The following MED13L variants were observed in gnomAD, a reference collection of about 807,000 sequenced individuals.
The protein encoded by MED13L is mediator of RNA polymerase II transcription subunit 13-like.
MED13L carries 7 observed loss-of-function variants against 220.9 expected under a neutral mutation model. The ratio of observed to expected loss-of-function variants is 0.03; its 90% confidence interval spans 0.02 to 0.06. The LOEUF (loss-of-function observed/expected upper bound fraction) is 0.06, where lower values mean the gene tolerates loss of function less well. Ranked by LOEUF, MED13L falls within the 10% of genes least tolerant of loss-of-function variation. The pLI, the probability that MED13L is intolerant of heterozygous loss-of-function variation, is 1.00. For missense variants in MED13L, 1,965 were observed against 2,760.5 expected, an observed-to-expected ratio of 0.71 and a Z score of 6.46; for synonymous variants, 1,011 against 1,015.2, an observed-to-expected ratio of 1.00 and a Z score of 0.08.
chr12:116,060,541 G>A (rs1486902350), intron 4 of MED13L, among the ~76,000 whole-genome samples: 1 of 142,434 alleles, frequency 7.0e-6, no homozygotes, highest in East Asian at 2.1e-4. Flanking sequence ...TCATGCCACT[G>A]AACTCTCCAG....
At chr12:115,981,682 A>T (rs1877339513) in intron 22 of MED13L, among the ~76,000 whole-genome samples, 1 of 152,250 alleles carries the variant, frequency 6.6e-6, no homozygotes, top group Non-Finnish European at 1.5e-5. Context: ...GGCTTTATTT[A>T]TAACAGTAAA....
intron 2 of MED13L, among the ~76,000 whole-genome samples, chr12:116,202,202 A>G (rs1423897442): frequency 6.6e-6 from 1 of 152,240 alleles, no homozygotes; most frequent in African/African-American, 2.4e-5. Flanking sequence ...ATTCACTGCC[A>G]AACTCAGATC....
intron 16 of MED13L, 22 bp downstream of exon 16, chr12:115,996,454 A>C: frequency 2.5e-6 from 4 of 1,600,480 alleles, no homozygotes; most frequent in Non-Finnish European, 3.4e-6. Context: ...TGGCAAGTAA[A>C]TGACACAATC....
At chr12:115,972,270 T>C (rs1171164206) in intron 25 of MED13L, 34 bp from the exon 26 acceptor site, 7 of 1,607,334 alleles carry the variant, frequency 4.4e-6, no homozygotes, top group Non-Finnish European at 5.9e-6. Context: ...ACACAGTCTT[T>C]AGAAATTCAT....
At chr12:116,001,128 G>T (rs1219151566) in intron 14 of MED13L, among the ~76,000 whole-genome samples, 1 of 152,070 alleles carries the variant, frequency 6.6e-6, no homozygotes, top group African/African-American at 2.4e-5. Flanking sequence ...ATGTGAAATT[G>T]CACATGTGGC....
chr12:116,033,082 TG>T (rs1880956272), intron 4 of MED13L, among the ~76,000 whole-genome samples: 1 of 147,632 alleles, frequency 6.8e-6, no homozygotes, highest in Non-Finnish European at 1.5e-5. Context: ...GATTGGGTTT[TG>T]TTTTTTTAAA....
intron 1 of MED13L, among the ~76,000 whole-genome samples, chr12:116,238,578 G>T (rs1870315655): frequency 1.3e-5 from 2 of 152,160 alleles, no homozygotes; most frequent in African/African-American, 4.8e-5. Flanking sequence ...AAACAGCCCA[G>T]GTGGCCCTTG....
chr12:116,107,595 T>C (rs1873693015), intron 3 of MED13L, among the ~76,000 whole-genome samples: 2 of 152,240 alleles, frequency 1.3e-5, no homozygotes, highest in African/African-American at 2.4e-5. Context: ...GGTCAATTTA[T>C]ATGGCTCCTG....
chr12:115,966,000 A>G lies in MED13L; in HGVS notation c.6387+82T>C, dbSNP rs1876132047. 18 of 1,523,612 alleles carry G rather than the reference A, an allele frequency of 1.2e-5. No individual in the cohort carries two copies. In the South Asian group the frequency reaches 1.9e-4, roughly 16 times the overall value. 94.4% of individuals were successfully genotyped at this position (1,523,612 alleles called of 1,614,324 possible). On this transcript the variant is annotated intron_variant, in intron 29 of 30. Transcript: ENST00000281928. Reference sequence around the variant, plus strand: ...GGAACAGAATAAGATTATGGTGACTAAAACTGAAATTTCTAACCAAAATTA... The same window carrying G: ...GGAACAGAATAAGATTATGGTGACTGAAACTGAAATTTCTAACCAAAATTA...
intron 2 of MED13L, among the ~76,000 whole-genome samples, chr12:116,152,651 A>G (rs1380673146): frequency 6.6e-6 from 1 of 152,158 alleles, no homozygotes; most frequent in Non-Finnish European, 1.5e-5. Flanking sequence ...AACCAAGGAG[A>G]GAAGGACTGT....
At chr12:116,043,670 C>T (rs1881667035) in intron 4 of MED13L, among the ~76,000 whole-genome samples, 2 of 152,132 alleles carry the variant, frequency 1.3e-5, no homozygotes, top group African/African-American at 4.8e-5. Flanking sequence ...AGTATGTGTG[C>T]ATGCATGTAT....
At chr12:116,045,862 G>A (rs752416865) in intron 4 of MED13L, among the ~76,000 whole-genome samples, 3 of 151,488 alleles carry the variant, frequency 2.0e-5, no homozygotes, top group Non-Finnish European at 4.4e-5. Context: ...CCAATAACAA[G>A]ACATATTTTA....
intron 14 of MED13L, among the ~76,000 whole-genome samples, chr12:115,999,412 A>C (rs1878606665): frequency 6.6e-6 from 1 of 152,014 alleles, no homozygotes; most frequent in Non-Finnish European, 1.5e-5. Context: ...AAGTTCATCT[A>C]CGCTTGAAAT....
At chr12:116,266,171 C>T (rs1407030595) in intron 1 of MED13L, among the ~76,000 whole-genome samples, 1 of 152,162 alleles carries the variant, frequency 6.6e-6, no homozygotes, top group Non-Finnish European at 1.5e-5. Context: ...CTGGCTACCC[C>T]GTCCAATCTC....
rs1324387533 is a variant in MED13L at position 115,986,418 on chromosome 12, T to C, written c.4186A>G (p.Ile1396Val). ...LVGYDKDFLT[I>V]SPFSLPFWER... ...CAAAACGGCAAGGAGAATGGCGAGA[T>C]GGTGAGGAAATCCTTGTCATAGCCT... is the stretch of plus-strand genomic sequence containing the variant. The change falls in exon 19 of 31, where the codon ATC (isoleucine) becomes GTC (valine). Residue 1396 changes from isoleucine to valine, a missense_variant. Coordinates refer to ENST00000281928, the MANE Select transcript of MED13L (RefSeq NM_015335.5). 5 of 1,614,108 alleles carry C rather than the reference T, an allele frequency of 3.1e-6. No homozygotes were observed. The South Asian group carries it at 4.4e-5, about 14-fold the overall frequency.
At chr12:116,087,960 A>G (rs1227638940) in intron 4 of MED13L, among the ~76,000 whole-genome samples, 1 of 152,226 alleles carries the variant, frequency 6.6e-6, no homozygotes, top group East Asian at 1.9e-4. Context: ...CCAGTAGTAC[A>G]AAGTAGTTCC....
intron 19 of MED13L, among the ~76,000 whole-genome samples, chr12:115,984,998 C>G (rs1482533337): frequency 6.6e-6 from 1 of 151,940 alleles, no homozygotes; most frequent in African/African-American, 2.4e-5. Flanking sequence ...CAGGAGAGCC[C>G]GTATTATTAT....
At position 116,063,376 on chromosome 12, in the gene MED13L, G is replaced by C. The variant is rs114820480; in HGVS notation, c.479+33293C>G. Among the ~76,000 whole-genome samples the C allele has an allele frequency of 9.6e-3, 1,466 of 152,212 alleles. 25 individuals are homozygous for C. The highest frequency in any genetic ancestry group is 0.034 in the African/African-American group (1,415 of 41,542). The stretch of plus-strand genomic sequence containing the variant: ...AAATAAAAATAAAAATAATTAGCTG[G>C]GCATAGTAGCCTGTGCCTCTAGTCC... On this transcript the variant is annotated intron_variant, in intron 4 of 30. Transcript: ENST00000281928.
chr12:116,043,340 T>A (rs1261575627), intron 4 of MED13L, among the ~76,000 whole-genome samples: 2 of 152,246 alleles, frequency 1.3e-5, no homozygotes, highest in Non-Finnish European at 2.9e-5. Flanking sequence ...AAGATCACAG[T>A]ACAGTTTAAT....
Sources: gnomAD v4.1 joint callset for allele counts (sites outside exome capture counted in the v4.1 genomes callset) on GRCh38, gnomAD v4.1.1 for gene constraint, MANE v1.5 for transcripts, NCBI Gene and HGNC (gene_info 2026-07-23, HGNC 2026-07-21) for gene names.